ABTB2: variants seen among roughly 807,000 people sequenced by gnomAD.
ABTB2 encodes the protein ankyrin repeat and BTB domain containing 2, also known as ankyrin repeat and BTB/POZ domain-containing protein 2.
In ABTB2, 56 loss-of-function variants were observed where a neutral mutation model predicts 104.1. The observed-to-expected ratio is 0.54, with a 90% confidence interval of 0.43 to 0.67. The LOEUF (loss-of-function observed/expected upper bound fraction) is 0.67. ABTB2 is among the 30% of genes least tolerant of loss of function. ABTB2 has a pLI of 0.00. For missense variants in ABTB2, 1,279 were observed against 1,407.7 expected, an observed-to-expected ratio of 0.91 and a Z score of 1.46; for synonymous variants, 606 against 608.2, an observed-to-expected ratio of 1.00 and a Z score of 0.05.
chr11:34,180,707 C>T (rs1472802355), intron 3 of ABTB2, among the ~76,000 whole-genome samples: 1 of 152,210 alleles, frequency 6.6e-6, no homozygotes, highest in Non-Finnish European at 1.5e-5. Context: ...CTCAAGGTTA[C>T]ACGGCCAATT....
In ABTB2 at chr11:34,273,945, G is replaced by A. The variant is rs548314685; in HGVS notation, c.884-69255C>T. On this transcript the variant is annotated intron_variant, in intron 1 of 16. Transcript: ENST00000435224. ...AGGCGGGTGGATCATGAGGTCAGGA[G>A]ATCGAGACCATCCTGGCTAACAAGG... 2.0e-5 allele frequency among the ~76,000 whole-genome samples: 3 copies of A among 151,724 alleles called. No individual in the cohort carries two copies. In the East Asian group the frequency reaches 5.8e-4, roughly 29 times the overall value.
intron 1 of ABTB2, among the ~76,000 whole-genome samples, chr11:34,306,267 A>G (rs796491152): frequency 0.063 from 1,793 of 28,592 alleles, 46 homozygotes; most frequent in African/African-American, 0.22. Context: ...TTTTTTTTTG[A>G]GACGGAGTCT....
rs951976913 is a variant in ABTB2, at chr11:34,347,099, A to G, written c.883+9602T>C. Reference sequence around the variant, plus strand: ...CTTCCAAGTTTAGTTTTCTTGTTTAATTTTTCCATCATGGGCCTGACTCTC... The same window carrying G: ...CTTCCAAGTTTAGTTTTCTTGTTTAGTTTTTCCATCATGGGCCTGACTCTC... On this transcript the variant is annotated intron_variant, in intron 1 of 16. Coordinates refer to ENST00000435224, the MANE Select transcript of ABTB2 (RefSeq NM_145804.3). Among the ~76,000 whole-genome samples the G allele has an allele frequency of 1.3e-4, 20 of 152,008 alleles. 1 individual carries two copies. Among genetic ancestry groups the G allele is most frequent in the Non-Finnish European group, 2.6e-4 (18 of 68,018 alleles).
intron 5 of ABTB2, among the ~76,000 whole-genome samples, chr11:34,170,054 G>A (rs10836157): frequency 0.43 from 65,054 of 151,952 alleles, 15,229 homozygotes; most frequent in East Asian, 0.9. Flanking sequence ...GTGCCCTTCC[G>A]CACACTGTAA....
At position 34,182,554 on chromosome 11, in the gene ABTB2, C is replaced by G. The variant is rs193243103; in HGVS notation, c.1245-9247G>C. Among the ~76,000 whole-genome samples, 3 of 147,866 alleles carry G rather than the reference C, an allele frequency of 2.0e-5. No homozygotes were observed. The East Asian group carries it at 5.8e-4, about 29-fold the overall frequency. On this transcript the variant is annotated intron_variant, in intron 3 of 16. Transcript: ENST00000435224. ...AAACTCATCTGGTACAGATTAGAGGCACTAGATGAAGCTTGCCCAGATACA... is the reference window on the plus strand; with the variant it reads ...AAACTCATCTGGTACAGATTAGAGGGACTAGATGAAGCTTGCCCAGATACA...
chr11:34,348,793 A>G (rs1219567303), intron 1 of ABTB2, among the ~76,000 whole-genome samples: 1 of 152,214 alleles, frequency 6.6e-6, no homozygotes, highest in African/African-American at 2.4e-5. Flanking sequence ...AAGACTAGAC[A>G]GTGGAGTCTA....
intron 1 of ABTB2, among the ~76,000 whole-genome samples, chr11:34,331,483 C>T (rs1855129394): frequency 6.6e-6 from 1 of 152,178 alleles, no homozygotes; most frequent in Admixed American, 6.5e-5. Context: ...TCCTTCCCAT[C>T]CTACCATGAT....
chr11:34,172,451 T>TAGATAGATAGAC (rs1286743381), intron 4 of ABTB2, among the ~76,000 whole-genome samples: 152 of 113,584 alleles, frequency 1.3e-3, no homozygotes, highest in African/African-American at 5.2e-3. Context: ...GATAGATAGA[T>TAGATAGATAGAC]AGATAGATAG....
intron 1 of ABTB2, among the ~76,000 whole-genome samples, chr11:34,299,998 C>T (rs1854680362): frequency 6.6e-6 from 1 of 152,184 alleles, no homozygotes; most frequent in African/African-American, 2.4e-5. Flanking sequence ...GTAGTTAGCA[C>T]AGTGCCTGGC....
chr11:34,167,514 T>C (rs1244332308), intron 6 of ABTB2, among the ~76,000 whole-genome samples, 154 bp from the exon 7 acceptor site: 1 of 152,082 alleles, frequency 6.6e-6, no homozygotes, highest in Non-Finnish European at 1.5e-5. Context: ...AAAGAGAGGA[T>C]AGGTATTTAA....
At chr11:34,318,546 G>A (rs1854967195) in intron 1 of ABTB2, among the ~76,000 whole-genome samples, 1 of 152,152 alleles carries the variant, frequency 6.6e-6, no homozygotes. Flanking sequence ...CTGGTCTAAG[G>A]ACACTCAGTT....
At chr11:34,313,020 A>G (rs1306833296) in intron 1 of ABTB2, among the ~76,000 whole-genome samples, 1 of 152,240 alleles carries the variant, frequency 6.6e-6, no homozygotes, top group African/African-American at 2.4e-5. Flanking sequence ...AAAGAATAGA[A>G]AAGACCCAAT....
intron 1 of ABTB2, among the ~76,000 whole-genome samples, chr11:34,256,921 G>A (rs1037956627): frequency 6.6e-5 from 10 of 152,192 alleles, no homozygotes; most frequent in Non-Finnish European, 1.5e-4. Flanking sequence ...AGTTTGTCCT[G>A]TCTCTGGCCA....
chr11:34,211,922 A>G (rs866008458), intron 1 of ABTB2, among the ~76,000 whole-genome samples: 17 of 151,090 alleles, frequency 1.1e-4, no homozygotes, highest in East Asian at 1.9e-4. Flanking sequence ...AAAAAAAAAA[A>G]AAGGATAATC....
chr11:34,180,862 C>T (rs1410965795), intron 3 of ABTB2, among the ~76,000 whole-genome samples: 1 of 152,090 alleles, frequency 6.6e-6, no homozygotes, highest in Non-Finnish European at 1.5e-5. Flanking sequence ...AGCTATTATT[C>T]CCCCCTTTAA....
chr11:34,202,903 A>C (rs1326338706), intron 2 of ABTB2, among the ~76,000 whole-genome samples: 1 of 152,194 alleles, frequency 6.6e-6, no homozygotes, highest in Non-Finnish European at 1.5e-5. Context: ...GAGTTGGTGA[A>C]AGGGGCAGAC....
At chr11:34,335,687 A>G (rs1855185655) in intron 1 of ABTB2, 2 of 1,401,520 alleles carry the variant, frequency 1.4e-6, no homozygotes, top group South Asian at 2.3e-5. Context: ...TCACTTGATA[A>G]AGTTTCTGCT....
chr11:34,166,171 A>C (rs1306951043), intron 7 of ABTB2, among the ~76,000 whole-genome samples: 2 of 152,212 alleles, frequency 1.3e-5, no homozygotes, highest in Non-Finnish European at 2.9e-5. Flanking sequence ...TGAAGACCAA[A>C]GCTTCCTCCA....
At chr11:34,223,793 C>T (rs920798552) in intron 1 of ABTB2, among the ~76,000 whole-genome samples, 7 of 152,208 alleles carry the variant, frequency 4.6e-5, no homozygotes, top group African/African-American at 1.7e-4. Flanking sequence ...GATTGTCCAC[C>T]CCTCAAGTCA....
Sources: gnomAD v4.1 joint callset for allele counts (sites outside exome capture counted in the v4.1 genomes callset) on GRCh38, gnomAD v4.1.1 for gene constraint, MANE v1.5 for transcripts, NCBI Gene and HGNC (gene_info 2026-07-23, HGNC 2026-07-21) for gene names.